Variants in TLE3 observed in about 807,000 individuals in gnomAD.
TLE3 encodes TLE family member 3, transcriptional corepressor.
TLE3 carries 14 observed loss-of-function variants against 93.0 expected under a neutral mutation model. The ratio of observed to expected loss-of-function variants is 0.15; its 90% CI spans 0.10 to 0.24. TLE3 has a LOEUF of 0.24. TLE3 is among the 10% of genes least tolerant of loss of function. TLE3 has a pLI of 1.00. For synonymous variants in TLE3, 451 were observed against 425.0 expected (o/e 1.06, Z -0.75); for missense variants, 693 against 1,046.6 (o/e 0.66, Z 4.66).
rs1596054757 is a variant in TLE3 at position 70,097,172 on chromosome 15, C to CG, written c.-375dup. The CG allele has an allele frequency of 1.9e-5, 8 of 417,884 alleles. No individual in the cohort carries two copies. In the East Asian group the frequency reaches 2.9e-4, roughly 15 times the overall value. The allele number at this position is 417,884 out of a possible 1,614,324, so 25.9% of individuals were successfully genotyped here. A position where few individuals can be genotyped will look rare whatever the true frequency, so the allele number is the denominator to read the frequency against. ...CAGGTCCGGCGCGGGGTCCCGAGGCCGGGGGCCCCTCCTGGGGCGAGCTCG... is the reference window on the plus strand; with the variant it reads ...CAGGTCCGGCGCGGGGTCCCGAGGCCGGGGGGCCCCTCCTGGGGCGAGCTCG... On this transcript the variant is annotated 5_prime_UTR_variant, in exon 1 of 20. Transcript: ENST00000451782.
chr15:70,064,425 C>T (rs764080733), intron 8 of TLE3, 29 bp downstream of exon 8: 3 of 1,613,386 alleles, frequency 1.9e-6, no homozygotes, highest in South Asian at 2.2e-5. Flanking sequence ...CCCAAACACC[C>T]CTCCGGGTTC....
chr15:70,095,812 AG>A (rs1346097405), intron 2 of TLE3, 171 bp from the exon 3 acceptor site: 3 of 778,718 alleles, frequency 3.9e-6, no homozygotes, highest in Non-Finnish European at 6.0e-6. Context: ...CGCCGTGGGG[AG>A]GGGGATGTGA....
Position 70,058,123 on chromosome 15 carries a change from C to A in TLE3, c.1051+36G>T. On this transcript the variant is annotated intron_variant, in intron 12 of 19. Transcript: ENST00000451782. This position sits in a 1 kb window ranked among gnomAD's most constrained non-coding sequence, Gnocchi z 4.1. ...CAAGAGCAGACCCCCTCCCCCCAAT[C>A]AGATTAACCCAGCCCATGGTGCCTA... 1 of 1,613,676 alleles carries A rather than the reference C, an allele frequency of 6.2e-7. No individual in the cohort carries two copies. Among genetic ancestry groups the A allele is most frequent in the South Asian group, 1.1e-5 (1 of 91,016 alleles).
At chr15:70,079,401 G>C (rs557636399) in intron 4 of TLE3, 44 of 451,300 alleles carry the variant, frequency 9.7e-5, no homozygotes, top group Non-Finnish European at 1.5e-4. Context: ...GGCTTACGTT[G>C]GGAGAACCTC....
intron 4 of TLE3, among the ~76,000 whole-genome samples, chr15:70,080,515 A>G (rs538813901): frequency 1.3e-5 from 2 of 152,260 alleles, no homozygotes; most frequent in African/African-American, 4.8e-5. Flanking sequence ...TGCACTACCA[A>G]CTGGGCGCTG....
chr15:70,093,735 G>T (rs946642001), intron 4 of TLE3, among the ~76,000 whole-genome samples: 4 of 152,284 alleles, frequency 2.6e-5, no homozygotes, highest in African/African-American at 9.6e-5. Context: ...GTATTTGCTC[G>T]GTTTGAGGTA....
At chr15:70,095,340 G>A (rs1193404867) in intron 3 of TLE3, 3 of 1,425,598 alleles carry the variant, frequency 2.1e-6, no homozygotes, top group Admixed American at 3.0e-5. Flanking sequence ...TAGTACAGAA[G>A]TCTCCGGCCT....
intron 5 of TLE3, among the ~76,000 whole-genome samples, 178 bp from the exon 6 acceptor site, chr15:70,074,785 G>C (rs898508028): frequency 2.0e-5 from 3 of 152,168 alleles, no homozygotes; most frequent in Admixed American, 1.3e-4. Flanking sequence ...TTCTCTTTTA[G>C]ACCTTTTTCA....
At chr15:70,071,182 T>C (rs568373238) in intron 6 of TLE3, among the ~76,000 whole-genome samples, 1 of 152,310 alleles carries the variant, frequency 6.6e-6, no homozygotes, top group South Asian at 2.1e-4. Context: ...AAGTGTCAAA[T>C]TTCCCTCCTC....
chr15:70,096,918 C>G lies in TLE3; in HGVS notation c.-120G>C. 1.8e-6 allele frequency: 2 copies of G among 1,124,548 alleles called. No homozygotes were observed. Among genetic ancestry groups the G allele is most frequent in the Non-Finnish European group, 2.6e-6 (2 of 777,218 alleles). The allele number at this position is 1,124,548 out of a possible 1,614,324, so 69.7% of individuals were successfully genotyped here. A position where few individuals can be genotyped will look rare whatever the true frequency, so the allele number is the denominator to read the frequency against. On this transcript the variant is annotated 5_prime_UTR_variant, in exon 1 of 20. Coordinates refer to ENST00000451782, the MANE Select transcript of TLE3 (RefSeq NM_001105192.3). ...CGGCCGGGAAACCGAGAGCTCGCCC[C>G]CGGCCCCCCCAGCTCGTTCTCGCAG...
At chr15:70,074,380 G>T in intron 6 of TLE3, 153 bp downstream of exon 6, 2 of 886,816 alleles carry the variant, frequency 2.3e-6, no homozygotes, top group Non-Finnish European at 1.7e-6. Flanking sequence ...GCCCTACATG[G>T]GTCCAAGCCC....
In TLE3 at chr15:70,097,582, C is replaced by T. The variant is rs1216699575; in HGVS notation, c.-784G>A. On this transcript the variant is annotated 5_prime_UTR_variant, in exon 1 of 20. Coordinates refer to ENST00000451782, the MANE Select transcript of TLE3 (RefSeq NM_001105192.3). Reference sequence around the variant, plus strand: ...ACGGGAAGCCTCCGCAAAGGGTTCTCGCTGCTCCCAGCTTGAGCACCGCGT... The same window carrying T: ...ACGGGAAGCCTCCGCAAAGGGTTCTTGCTGCTCCCAGCTTGAGCACCGCGT... The T allele has an allele frequency of 1.0e-5, 4 of 398,668 alleles. No homozygotes were observed. Among genetic ancestry groups the T allele is most frequent in the African/African-American group, 2.1e-5 (1 of 48,628 alleles). The allele number at this position is 398,668 out of a possible 1,614,324, so 24.7% of individuals were successfully genotyped here.
rs555093505 is a variant in TLE3, at chr15:70,054,787, C to T, written c.1579-102G>A. Reference sequence around the variant, plus strand: ...CGAGCACCCTCACCAGTCCTGCTTACAGCCTCCCCCTATACCCAGCAGCTG... The same window carrying T: ...CGAGCACCCTCACCAGTCCTGCTTATAGCCTCCCCCTATACCCAGCAGCTG... On this transcript the variant is annotated intron_variant, in intron 15 of 19. Coordinates refer to ENST00000451782, the MANE Select transcript of TLE3 (RefSeq NM_001105192.3). 144 of 1,416,778 alleles carry T rather than the reference C, an allele frequency of 1.0e-4. No individual in the cohort carries two copies. In the African/African-American group the frequency reaches 1.9e-3, roughly 19 times the overall value. 87.8% of individuals were successfully genotyped at this position (1,416,778 alleles called of 1,614,324 possible). A position where few individuals can be genotyped will look rare whatever the true frequency, so the allele number is the denominator to read the frequency against.
Position 70,047,912 on chromosome 15 carries a change from G to C in TLE3, c.*2185C>G, listed in dbSNP as rs2055212667. 6.6e-6 allele frequency: 1 copy of C among 152,320 alleles called. No individual in the cohort carries two copies. The highest frequency in any genetic ancestry group is 6.5e-5 in the Admixed American group (1 of 15,288). 9.4% of individuals were successfully genotyped at this position (152,320 alleles called of 1,614,324 possible). On this transcript the variant is annotated 3_prime_UTR_variant, in exon 20 of 20. Transcript: ENST00000451782. ...TCAGTGAACTCTGCCCTGCCCATCT[G>C]TCCAGAGGAAGTCTTAGCTCCTACC...
In TLE3 at chr15:70,058,118, C is replaced by G. The variant is rs2291982; in HGVS notation, c.1051+41G>C. ...CTGGCCAAGAGCAGACCCCCTCCCC[C>G]CAATCAGATTAACCCAGCCCATGGT... On this transcript the variant is annotated intron_variant, in intron 12 of 19. Transcript: ENST00000451782. The surrounding 1 kb of genome is among the most constrained non-coding windows in gnomAD (Gnocchi z 4.1). 493,857 of 1,612,640 alleles carry G rather than the reference C, an allele frequency of 0.31. 77,104 individuals carry two copies. Among genetic ancestry groups the G allele is most frequent in the East Asian group, 0.45 (20,287 of 44,816 alleles).
chr15:70,095,035 G>A (rs1012901607), intron 3 of TLE3, among the ~76,000 whole-genome samples: 14 of 152,230 alleles, frequency 9.2e-5, no homozygotes, highest in Non-Finnish European at 1.8e-4. Flanking sequence ...GCCCCAGCGT[G>A]GAGAAGATAC....
At chr15:70,059,596 C>A (rs950948565) in intron 9 of TLE3, 136 bp from the exon 10 acceptor site, 45 of 763,094 alleles carry the variant, frequency 5.9e-5, no homozygotes, top group Admixed American at 2.6e-4. Flanking sequence ...GCTTTCTACT[C>A]CAGCCCTGCC....
rs200508723 is a variant in TLE3, at chr15:70,055,143, G to A, written c.1484C>T (p.Thr495Met). The A allele has an allele frequency of 2.5e-3, 4,096 of 1,614,156 alleles. 11 individuals are homozygous for A. Among genetic ancestry groups the A allele is most frequent in the Non-Finnish European group, 3.1e-3 (3,704 of 1,180,010 alleles). Residue 495 changes from threonine to methionine, a missense_variant, in exon 15 of 20, where the codon ACG becomes ATG. Physicochemically the swap from Thr to Met is moderately conservative, Grantham distance 81. This residue lies in a region of TLE3 where 153 missense variants were observed against 379.9 expected (regional missense o/e 0.40). Coordinates refer to ENST00000451782, the MANE Select transcript of TLE3 (RefSeq NM_001105192.3). ...CTTGCCACCTGTGTAGACGTGCCTC[G>A]TGGGGTTGCTGATGGTCACGGCACA... ...VVCAVTISNP[T>M]RHVYTGGKGC...
intron 6 of TLE3, among the ~76,000 whole-genome samples, chr15:70,073,077 A>C (rs189248296): frequency 7.8e-4 from 119 of 152,320 alleles, no homozygotes; most frequent in African/African-American, 2.7e-3. Context: ...GGCTCAGCCC[A>C]GAAGGACAAA....
Sources: gnomAD v4.1 joint callset for allele counts (sites outside exome capture counted in the v4.1 genomes callset) on GRCh38, gnomAD v4.1.1 for gene constraint, gnomAD v4.1.1 regional missense constraint, Gnocchi (gnomAD v3.1) non-coding constraint, MANE v1.5 for transcripts, NCBI Gene and HGNC (gene_info 2026-07-23, HGNC 2026-07-21) for gene names.